The following GLG1 variants were observed in gnomAD, a reference collection of about 807,000 sequenced individuals.
GLG1 encodes the protein Golgi apparatus protein 1.
A neutral mutation model predicts 160.5 loss-of-function variants in GLG1; 38 were observed. The ratio of observed to expected loss-of-function variants is 0.24; its 90% CI spans 0.18 to 0.31. The LOEUF is 0.31. GLG1 is among the 10% of genes least tolerant of loss of function. The pLI is 1.00. For synonymous variants in GLG1, 644 were observed against 543.4 expected (o/e 1.19, Z -2.57); for missense variants, 1,373 against 1,505.2 (o/e 0.91, Z 1.45).
intron 1 of GLG1, among the ~76,000 whole-genome samples, chr16:74,537,420 A>T (rs1406120443): frequency 6.6e-6 from 1 of 151,822 alleles, no homozygotes; most frequent in Non-Finnish European, 1.5e-5. Context: ...ACTTTTCTAT[A>T]GTAGTTAGCA....
At chr16:74,603,574 C>A (rs113617667) in intron 1 of GLG1, among the ~76,000 whole-genome samples, 8 of 152,140 alleles carry the variant, frequency 5.3e-5, no homozygotes, top group African/African-American at 1.7e-4. Flanking sequence ...CTGCGCCCGG[C>A]TGAACACCAC....
Position 74,528,500 on chromosome 16 carries a change from C to T in GLG1, c.471+3621G>A, listed in dbSNP as rs192079528. Among the ~76,000 whole-genome samples, 336 of 151,868 alleles carry T rather than the reference C, an allele frequency of 2.2e-3. 1 individual carries two copies. Among genetic ancestry groups the T allele is most frequent in the African/African-American group, 7.2e-3 (300 of 41,416 alleles). ...TTGTTGAGTTTTCTTTTTATCTTTT[C>T]GTTTTGGCAGATTGTTAATAATGTG... On this transcript the variant is annotated intron_variant, in intron 2 of 25. Transcript: ENST00000422840.
chr16:74,464,002 A>G, intron 19 of GLG1: 1 of 157,522 alleles, frequency 6.3e-6, no homozygotes, highest in South Asian at 1.9e-4. Context: ...GGTCACCCTT[A>G]ACATCTATCC....
chr16:74,581,742 C>A (rs1957942455), intron 1 of GLG1, among the ~76,000 whole-genome samples: 1 of 152,030 alleles, frequency 6.6e-6, no homozygotes, highest in African/African-American at 2.4e-5. Context: ...GAAACCCCGT[C>A]TGTACTAAAA....
intron 7 of GLG1, among the ~76,000 whole-genome samples, chr16:74,492,268 C>A (rs913527887): frequency 6.6e-6 from 1 of 150,904 alleles, no homozygotes; most frequent in Non-Finnish European, 1.5e-5. Context: ...GCCTGTAATC[C>A]AAGCTATTCC....
intron 2 of GLG1, among the ~76,000 whole-genome samples, chr16:74,520,754 C>G (rs1367838515): frequency 6.6e-6 from 1 of 152,126 alleles, no homozygotes; most frequent in Non-Finnish European, 1.5e-5. Flanking sequence ...AGCACTTGTC[C>G]ACTGTCTTCT....
At chr16:74,520,311 TTTTC>T (rs2017120758) in intron 2 of GLG1, among the ~76,000 whole-genome samples, 1 of 152,182 alleles carries the variant, frequency 6.6e-6, no homozygotes, top group Non-Finnish European at 1.5e-5. Context: ...TATTCCCTCA[TTTTC>T]TTTAAGCACA....
At chr16:74,544,577 G>A (rs954682764) in intron 1 of GLG1, among the ~76,000 whole-genome samples, 3 of 152,196 alleles carry the variant, frequency 2.0e-5, no homozygotes, top group Non-Finnish European at 2.9e-5. Context: ...CGTGATCACG[G>A]CTCACTGTAA....
chr16:74,588,177 G>C (rs1009125276), intron 1 of GLG1, among the ~76,000 whole-genome samples: 22 of 152,130 alleles, frequency 1.4e-4, no homozygotes, highest in African/African-American at 5.3e-4. Context: ...TAAGATTAGA[G>C]CCCAGGAGAG....
chr16:74,518,137 TAG>T (rs2017041555), intron 2 of GLG1, among the ~76,000 whole-genome samples: 1 of 152,188 alleles, frequency 6.6e-6, no homozygotes. Flanking sequence ...AAGTAATTTA[TAG>T]AGTCAATGCT....
rs1395462440 is a variant in GLG1 at position 74,491,094 on chromosome 16, A to G, written c.1356T>C (p.Cys452=). Residue 452 remains cysteine, a synonymous_variant, in exon 8 of 26, where the codon TGT becomes TGC. Transcript: ENST00000422840. ...LSCRGEIEHH[C]SGLHRKGRTL... ...TCCGCCCTTTTCGATGTAATCCGGA[A>G]CAATGGTGTTCAATCTCCCCCCGAC... 5 of 1,614,028 alleles carry G rather than the reference A, an allele frequency of 3.1e-6. No homozygotes were observed. The highest frequency in any genetic ancestry group is 3.4e-6 in the Non-Finnish European group (4 of 1,179,992).
chr16:74,575,832 G>A (rs1022674518), intron 1 of GLG1, among the ~76,000 whole-genome samples: 3 of 152,166 alleles, frequency 2.0e-5, no homozygotes, highest in African/African-American at 7.2e-5. Context: ...CAAAAAAGCA[G>A]TATCACGAAA....
intron 18 of GLG1, 123 bp downstream of exon 18, chr16:74,467,632 GT>G: frequency 1.5e-6 from 1 of 655,732 alleles, no homozygotes. Flanking sequence ...GATGAGATGG[GT>G]CCTGTCTCAC....
chr16:74,471,823 T>C (rs1175194896), intron 14 of GLG1, among the ~76,000 whole-genome samples: 2 of 152,234 alleles, frequency 1.3e-5, no homozygotes, highest in African/African-American at 4.8e-5. Context: ...ACTCAGTAAC[T>C]GCTGCTGGCC....
intron 17 of GLG1, chr16:74,468,652 C>G: frequency 6.1e-6 from 2 of 328,358 alleles, no homozygotes; most frequent in Non-Finnish European, 1.2e-5. Context: ...CCTGCATGAG[C>G]CACAGCACCC....
intron 1 of GLG1, among the ~76,000 whole-genome samples, chr16:74,586,764 T>C (rs1234432999): frequency 2.0e-5 from 3 of 152,020 alleles, no homozygotes; most frequent in Non-Finnish European, 4.4e-5. Context: ...AGTGGCGTGA[T>C]CTCAGCTAAC....
intron 1 of GLG1, among the ~76,000 whole-genome samples, chr16:74,591,802 C>T (rs1209176919): frequency 6.6e-6 from 1 of 152,086 alleles, no homozygotes; most frequent in Non-Finnish European, 1.5e-5. Context: ...GAAAAGTCAC[C>T]ATCTTTCAGA....
intron 3 of GLG1, among the ~76,000 whole-genome samples, chr16:74,505,773 A>T (rs1567489051): frequency 6.6e-6 from 1 of 151,826 alleles, no homozygotes; most frequent in Non-Finnish European, 1.5e-5. Context: ...GAGAATTGCT[A>T]GAACCCGGCA....
In GLG1 at chr16:74,508,570, T is replaced by C. The variant is rs534256483; in HGVS notation, c.558+269A>G. Among the ~76,000 whole-genome samples the C allele has an allele frequency of 3.9e-5, 6 of 152,170 alleles. No individual in the cohort carries two copies. In the South Asian group the frequency reaches 1.0e-3, roughly 26 times the overall value. Reference sequence around the variant, plus strand: ...CAGCATGTTGTCCAATGTGTGAGAGTAGCACTGATACCTCAGCACTTTTAC... The same window carrying C: ...CAGCATGTTGTCCAATGTGTGAGAGCAGCACTGATACCTCAGCACTTTTAC... On this transcript the variant is annotated intron_variant, in intron 3 of 25. Transcript: ENST00000422840.
Sources: allele counts gnomAD v4.1 joint callset (sites outside exome capture counted in the v4.1 genomes callset), GRCh38; gene constraint gnomAD v4.1.1; transcripts MANE v1.5; gene names NCBI Gene and HGNC (gene_info 2026-07-23, HGNC 2026-07-21).